AUTS2: variants seen among roughly 807,000 people sequenced by gnomAD.
AUTS2 encodes activator of transcription and developmental regulator AUTS2, also known as autism susceptibility gene 2 protein.
Under a neutral mutation model 112.4 loss-of-function variants are expected in AUTS2, and 17 were observed. That is an observed-to-expected ratio of 0.15 (90% CI 0.10 to 0.23). The LOEUF is 0.23. AUTS2 is among the 10% of genes least tolerant of loss of function. AUTS2 has a pLI of 1.00. For synonymous variants in AUTS2, 751 were observed against 702.7 expected (o/e 1.07, Z -1.09); for missense variants, 1,510 against 1,701.6 (o/e 0.89, Z 1.98).
At chr7:70,503,655 C>G (rs1207071620) in intron 5 of AUTS2, among the ~76,000 whole-genome samples, 1 of 151,132 alleles carries the variant, frequency 6.6e-6, no homozygotes, top group Non-Finnish European at 1.5e-5. Context: ...GCAGCTGGGA[C>G]TACAGGTGTG....
chr7:70,669,359 AG>A (rs1807516976), intron 5 of AUTS2, among the ~76,000 whole-genome samples: 1 of 152,218 alleles, frequency 6.6e-6, no homozygotes, highest in South Asian at 2.1e-4. Context: ...CTGGTTATTC[AG>A]ATTATAGACT....
At chr7:70,408,070 A>T (rs546780266) in intron 4 of AUTS2, among the ~76,000 whole-genome samples, 5 of 151,198 alleles carry the variant, frequency 3.3e-5, no homozygotes, top group African/African-American at 1.2e-4. Context: ...AAAAAAAAAA[A>T]AGTCAGAAAA....
intron 2 of AUTS2, among the ~76,000 whole-genome samples, chr7:70,068,004 A>T (rs1279680401): frequency 6.6e-6 from 1 of 152,178 alleles, no homozygotes; most frequent in African/African-American, 2.4e-5. Flanking sequence ...ACAAGGCAGA[A>T]TATTTGCTAT....
intron 4 of AUTS2, among the ~76,000 whole-genome samples, chr7:70,415,519 A>T (rs1794952588): frequency 6.6e-6 from 1 of 152,182 alleles, no homozygotes; most frequent in Non-Finnish European, 1.5e-5. Flanking sequence ...AAAAACACAT[A>T]CAGTATTTTA....
chr7:70,479,932 G>A (rs1465515657), intron 5 of AUTS2, among the ~76,000 whole-genome samples: 1 of 152,198 alleles, frequency 6.6e-6, no homozygotes, highest in Non-Finnish European at 1.5e-5. Flanking sequence ...AATAATAATA[G>A]CTTACATTTT....
At chr7:70,690,774 T>A (rs1309524765) in intron 5 of AUTS2, among the ~76,000 whole-genome samples, 1 of 152,116 alleles carries the variant, frequency 6.6e-6, no homozygotes, top group South Asian at 2.1e-4. Context: ...ACCAGCCTGG[T>A]CAGTATAGGA....
At chr7:70,682,478 TTTG>T (rs1808259846) in intron 5 of AUTS2, among the ~76,000 whole-genome samples, 1 of 152,238 alleles carries the variant, frequency 6.6e-6, no homozygotes, top group African/African-American at 2.4e-5. Context: ...TTCAAGTTTT[TTTG>T]TTGTTGCCGT....
At chr7:69,851,621 A>G (rs964380178) in intron 1 of AUTS2, among the ~76,000 whole-genome samples, 12 of 152,176 alleles carry the variant, frequency 7.9e-5, no homozygotes, top group African/African-American at 2.7e-4. Context: ...CCATCCATGA[A>G]CACTATATGC....
chr7:69,983,920 C>T (rs1273618015), intron 2 of AUTS2, among the ~76,000 whole-genome samples: 1 of 152,126 alleles, frequency 6.6e-6, no homozygotes, highest in African/African-American at 2.4e-5. Context: ...CTATGATTCA[C>T]ATATACAACT....
At chr7:70,684,508 GTGTGGTGTGGTATGGTGTGGCGTGA>G (rs1422150745) in intron 5 of AUTS2, among the ~76,000 whole-genome samples, 1 of 152,006 alleles carries the variant, frequency 6.6e-6, no homozygotes, top group East Asian at 1.9e-4. Context: ...GGATAGGATG[GTGTGGTGTGGTATGGTGTGGCGTGA>G]TGTGGTGTGG....
Position 70,104,487 on chromosome 7 carries a change from G to A in AUTS2, c.523-13645G>A, listed in dbSNP as rs865890450. On this transcript the variant is annotated intron_variant, in intron 2 of 18. Coordinates refer to ENST00000342771, the MANE Select transcript of AUTS2 (RefSeq NM_015570.4). The stretch of plus-strand genomic sequence containing the variant: ...CTTTCCTTAATGAAGAACAGATTGA[G>A]GAGATCCAAGACCTTACTGTGTGGG... Among the ~76,000 whole-genome samples the A allele has an allele frequency of 5.3e-5, 8 of 152,174 alleles. 1 individual carries two copies. In the South Asian group the frequency reaches 1.4e-3, roughly 28 times the overall value.
intron 5 of AUTS2, among the ~76,000 whole-genome samples, chr7:70,650,250 T>C (rs993925743): frequency 4.6e-5 from 7 of 152,116 alleles, no homozygotes; most frequent in African/African-American, 9.7e-5. Flanking sequence ...CAGAACTGGG[T>C]TACATACCGT....
intron 5 of AUTS2, among the ~76,000 whole-genome samples, chr7:70,441,149 G>A (rs554749194): frequency 1.3e-5 from 2 of 152,312 alleles, no homozygotes; most frequent in South Asian, 2.1e-4. Context: ...CAATCTCACA[G>A]AAATGAATCC....
intron 1 of AUTS2, among the ~76,000 whole-genome samples, chr7:69,890,822 T>C (rs1022042800): frequency 6.6e-6 from 1 of 152,244 alleles, no homozygotes; most frequent in Non-Finnish European, 1.5e-5. Flanking sequence ...GGCTACTTTA[T>C]GGCCTAAAGC....
intron 5 of AUTS2, among the ~76,000 whole-genome samples, chr7:70,625,731 T>C (rs921218566): frequency 1.2e-4 from 19 of 152,142 alleles, no homozygotes; most frequent in African/African-American, 4.6e-4. Flanking sequence ...GTAAATGACA[T>C]GATATGTGAT....
chr7:70,290,784 A>G (rs1453339262), intron 4 of AUTS2: 1 of 557,866 alleles, frequency 1.8e-6, no homozygotes, highest in African/African-American at 2.0e-5. Context: ...ATTTTTTAAA[A>G]GAGTGCTGCT....
intron 5 of AUTS2, among the ~76,000 whole-genome samples, chr7:70,639,367 C>T (rs1805689357): frequency 6.6e-6 from 1 of 151,966 alleles, no homozygotes; most frequent in African/African-American, 2.4e-5. Flanking sequence ...TCCCCCTCTC[C>T]TCTAAGACCA....
At chr7:70,429,035 C>T (rs972583610) in intron 4 of AUTS2, among the ~76,000 whole-genome samples, 2 of 152,218 alleles carry the variant, frequency 1.3e-5, no homozygotes, top group African/African-American at 2.4e-5. Flanking sequence ...TTCTTCTGGG[C>T]CCCAACTCTA....
Position 70,578,155 on chromosome 7 carries a change from A to T in AUTS2, c.691-120414A>T, listed in dbSNP as rs542204236. On this transcript the variant is annotated intron_variant, in intron 5 of 18. Coordinates refer to ENST00000342771, the MANE Select transcript of AUTS2 (RefSeq NM_015570.4). ...TTTTGTCCATATGTGTTTTGTCCTC[A>T]GTAGATTCCTAGTAGAATATGAAAA... Among the ~76,000 whole-genome samples, 211 of 152,314 alleles carry T rather than the reference A, an allele frequency of 1.4e-3. 2 individuals are homozygous for T. The highest frequency in any genetic ancestry group is 0.011 in the South Asian group (54 of 4,822).
Sources: gnomAD v4.1 joint callset for allele counts (sites outside exome capture counted in the v4.1 genomes callset) on GRCh38, gnomAD v4.1.1 for gene constraint, MANE v1.5 for transcripts, NCBI Gene and HGNC (gene_info 2026-07-23, HGNC 2026-07-21) for gene names.